The following KCTD20 variants were observed in gnomAD, a reference collection of about 807,000 sequenced individuals.
KCTD20 encodes BTB/POZ domain-containing protein KCTD20.
KCTD20 carries 30 observed loss-of-function variants against 39.6 expected under a neutral mutation model. That is an observed-to-expected ratio of 0.76 (90% CI 0.57 to 1.03). The LOEUF (loss-of-function observed/expected upper bound fraction) is 1.03, where lower values mean the gene tolerates loss of function less well. KCTD20 is among the 50% of genes least tolerant of loss of function. The pLI, the probability that KCTD20 is intolerant of heterozygous loss-of-function variation, is 0.00. For missense variants in KCTD20, 422 were observed against 522.0 expected, an observed-to-expected ratio of 0.81 and a Z score of 1.87; for synonymous variants, 162 against 180.6, an observed-to-expected ratio of 0.90 and a Z score of 0.83.
At chr6:36,460,732 A>G (rs1052805162) in intron 1 of KCTD20, among the ~76,000 whole-genome samples, 1 of 152,216 alleles carries the variant, frequency 6.6e-6, no homozygotes, top group East Asian at 1.9e-4. Context: ...TTATCAGCAC[A>G]GGAAGATTAT....
intron 2 of KCTD20, among the ~76,000 whole-genome samples, 175 bp from the exon 3 acceptor site, chr6:36,474,614 G>GC (rs954602426): frequency 8.6e-5 from 13 of 152,042 alleles, no homozygotes; most frequent in Non-Finnish European, 1.3e-4. Flanking sequence ...TAAGTCTCTA[G>GC]TTTTTTTGTT....
At chr6:36,464,250 G>A (rs1775678607) in intron 1 of KCTD20, among the ~76,000 whole-genome samples, 1 of 152,158 alleles carries the variant, frequency 6.6e-6, no homozygotes, top group Admixed American at 6.5e-5. Context: ...TGAAGGAAAA[G>A]ATACACTAAT....
intron 3 of KCTD20, among the ~76,000 whole-genome samples, chr6:36,478,073 C>G (rs1304184534): frequency 7.7e-6 from 1 of 130,292 alleles, no homozygotes; most frequent in Non-Finnish European, 1.5e-5. Context: ...CCAGCCTGGG[C>G]AACAGAGCGA....
At chr6:36,443,932 TC>T (rs1177113858) in intron 1 of KCTD20, among the ~76,000 whole-genome samples, 1 of 152,228 alleles carries the variant, frequency 6.6e-6, no homozygotes, top group Non-Finnish European at 1.5e-5. Flanking sequence ...TTGTTCCTGT[TC>T]GCTGTGCGAG....
intron 4 of KCTD20, 42 bp from the exon 5 acceptor site, chr6:36,479,549 C>T (rs1300959491): frequency 3.4e-5 from 53 of 1,570,096 alleles, no homozygotes; most frequent in Non-Finnish European, 4.6e-5. Flanking sequence ...AATTTTTCAT[C>T]TTGTTCTCTG....
In KCTD20 at chr6:36,489,120, C is replaced by T. The variant is rs142728918; in HGVS notation, c.*1945C>T. On this transcript the variant is annotated 3_prime_UTR_variant, in exon 8 of 8. Transcript: ENST00000373731. Reference sequence around the variant, plus strand: ...GTTAAATGGTGCTTCTTTTCTGCTTCTCAGTAGACTTCCATGCCATTACAA... The same window carrying T: ...GTTAAATGGTGCTTCTTTTCTGCTTTTCAGTAGACTTCCATGCCATTACAA... 785 of 152,786 alleles carry T rather than the reference C, an allele frequency of 5.1e-3. 9 individuals carry two copies. Among genetic ancestry groups the T allele is most frequent in the South Asian group, 0.016 (78 of 4,828 alleles). The allele number at this position is 152,786 out of a possible 1,614,324, so 9.5% of individuals were successfully genotyped here.
chr6:36,471,766 G>A (rs988229431), intron 2 of KCTD20, among the ~76,000 whole-genome samples: 3 of 151,972 alleles, frequency 2.0e-5, no homozygotes, highest in East Asian at 1.9e-4. Flanking sequence ...TTTGGGTTTC[G>A]GAATAAACCC....
At chr6:36,447,946 G>A (rs868839597) in intron 1 of KCTD20, among the ~76,000 whole-genome samples, 7 of 150,560 alleles carry the variant, frequency 4.6e-5, no homozygotes, top group Middle Eastern at 6.9e-3. Context: ...AACTGAGATC[G>A]TGCCACTGCA....
chr6:36,446,539 C>T (rs1459531548), intron 1 of KCTD20, among the ~76,000 whole-genome samples: 1 of 152,150 alleles, frequency 6.6e-6, no homozygotes. Context: ...GTAATCCCAG[C>T]ACTTTGGGAG....
intron 1 of KCTD20, among the ~76,000 whole-genome samples, chr6:36,454,416 A>C (rs1337666175): frequency 6.7e-6 from 1 of 150,310 alleles, no homozygotes; most frequent in Non-Finnish European, 1.5e-5. Flanking sequence ...ATCTCAGCTC[A>C]CTGCAACCTC....
At chr6:36,481,823 T>G in intron 6 of KCTD20, 64 bp downstream of exon 6, 1 of 1,382,194 alleles carries the variant, frequency 7.2e-7, no homozygotes, top group Non-Finnish European at 1.0e-6. Flanking sequence ...AGTAGCAGCT[T>G]GATCCTAGAA....
chr6:36,454,677 T>C (rs73411054), intron 1 of KCTD20, among the ~76,000 whole-genome samples: 54,750 of 145,150 alleles, frequency 0.38, 10,862 homozygotes, highest in East Asian at 0.55. Flanking sequence ...CTTGCTCTGT[T>C]CCGCAGGCTG....
chr6:36,479,750 T>G (rs1776184344), intron 5 of KCTD20, 39 bp downstream of exon 5: 1 of 1,422,062 alleles, frequency 7.0e-7, no homozygotes, highest in African/African-American at 1.5e-5. Context: ...CTTAAGCAGC[T>G]GAACTTTCAG....
chr6:36,480,987 A>G (rs1776227447), intron 5 of KCTD20, among the ~76,000 whole-genome samples: 1 of 152,240 alleles, frequency 6.6e-6, no homozygotes, highest in African/African-American at 2.4e-5. Context: ...TAAGGCCAGG[A>G]TGAGAACTCA....
intron 1 of KCTD20, among the ~76,000 whole-genome samples, chr6:36,466,985 C>A (rs564940046): frequency 6.6e-6 from 1 of 151,912 alleles, no homozygotes; most frequent in Admixed American, 6.6e-5. Context: ...ATGCTGGGTT[C>A]GGTGATATCT....
chr6:36,454,923 C>T (rs1775385992), intron 1 of KCTD20, among the ~76,000 whole-genome samples: 1 of 151,606 alleles, frequency 6.6e-6, no homozygotes, highest in Non-Finnish European at 1.5e-5. Flanking sequence ...GCTAGGATTA[C>T]AGGCATGAGC....
At chr6:36,452,953 A>G (rs1775306838) in intron 1 of KCTD20, among the ~76,000 whole-genome samples, 1 of 136,706 alleles carries the variant, frequency 7.3e-6, no homozygotes. Context: ...CATTACCACC[A>G]TTATTTCTTT....
chr6:36,485,194 G>A (rs1228783429), intron 7 of KCTD20, among the ~76,000 whole-genome samples: 1 of 152,024 alleles, frequency 6.6e-6, no homozygotes, highest in Non-Finnish European at 1.5e-5. Flanking sequence ...AAAATAGCTT[G>A]GGGACTCAAA....
rs1024366048 is a variant in KCTD20, at chr6:36,488,261, T to G, written c.*1086T>G. 4 of 152,196 alleles carry G rather than the reference T, an allele frequency of 2.6e-5. No homozygotes were observed. The highest frequency in any genetic ancestry group is 9.7e-5 in the African/African-American group (4 of 41,448). The allele number at this position is 152,196 out of a possible 1,614,324, so 9.4% of individuals were successfully genotyped here. ...GTTCTTGAAATAGCCTAATAGCTGC[T>G]CACACATTGGGTAGGAATATTATAC... On this transcript the variant is annotated 3_prime_UTR_variant, in exon 8 of 8. Coordinates refer to ENST00000373731, the MANE Select transcript of KCTD20 (RefSeq NM_173562.5).
Sources: gnomAD v4.1 joint callset for allele counts (sites outside exome capture counted in the v4.1 genomes callset) on GRCh38, gnomAD v4.1.1 for gene constraint, MANE v1.5 for transcripts, NCBI Gene and HGNC (gene_info 2026-07-23, HGNC 2026-07-21) for gene names.